KIAA1217: variants seen among roughly 807,000 people sequenced by gnomAD.
The protein encoded by KIAA1217 is sickle tail protein homolog.
KIAA1217 carries 88 observed loss-of-function variants against 163.9 expected under a neutral mutation model. The observed-to-expected ratio is 0.54, with a 90% CI of 0.45 to 0.64. The LOEUF is 0.64. Ranked by LOEUF, KIAA1217 falls within the 30% of genes least tolerant of loss-of-function variation. KIAA1217 has a pLI of 0.00. For missense variants in KIAA1217, 2,372 were observed against 2,475.0 expected (o/e 0.96, Z 0.88); for synonymous variants, 903 against 923.1 (o/e 0.98, Z 0.39).
intron 1 of KIAA1217, among the ~76,000 whole-genome samples, chr10:24,217,759 C>T (rs1344382998): frequency 1.3e-5 from 2 of 152,128 alleles, no homozygotes; most frequent in African/African-American, 2.4e-5. Context: ...GCAGAACTCC[C>T]AAATATTAAA....
chr10:23,967,667 T>A (rs183568392), intron 1 of KIAA1217, among the ~76,000 whole-genome samples: 2 of 152,296 alleles, frequency 1.3e-5, no homozygotes, highest in East Asian at 3.9e-4. Flanking sequence ...GGAGGACAAT[T>A]TGACACTATT....
intron 1 of KIAA1217, among the ~76,000 whole-genome samples, chr10:23,822,361 G>A (rs1314931712): frequency 1.3e-5 from 2 of 152,160 alleles, no homozygotes; most frequent in African/African-American, 4.8e-5. Context: ...GATTGCAGTA[G>A]CAGAAACAAG....
In KIAA1217 at chr10:24,493,136, G is replaced by A. The variant is rs542008079; in HGVS notation, c.1680-1364G>A. Reference sequence around the variant, plus strand: ...GCTGGAATTACAGGCAGGAGCCACCGTGCCCGGCCAGACCATCATTACTTT... The same window carrying A: ...GCTGGAATTACAGGCAGGAGCCACCATGCCCGGCCAGACCATCATTACTTT... On this transcript the variant is annotated intron_variant, in intron 6 of 20. Coordinates refer to ENST00000376454, the MANE Select transcript of KIAA1217 (RefSeq NM_019590.5). Among the ~76,000 whole-genome samples, 15 of 152,332 alleles carry A rather than the reference G, an allele frequency of 9.8e-5. No homozygotes were observed. The East Asian group carries it at 1.3e-3, about 14-fold the overall frequency.
At chr10:24,096,356 A>G (rs1376467234) in intron 2 of KIAA1217, among the ~76,000 whole-genome samples, 1 of 152,044 alleles carries the variant, frequency 6.6e-6, no homozygotes, top group Non-Finnish European at 1.5e-5. Context: ...CAGTGGCACT[A>G]CCCTGGTCCA....
intron 1 of KIAA1217, among the ~76,000 whole-genome samples, chr10:23,839,740 C>G (rs2131063462): frequency 6.6e-6 from 1 of 152,238 alleles, no homozygotes; most frequent in Non-Finnish European, 1.5e-5. Flanking sequence ...TCTCTGATGG[C>G]TCCCACAACT....
At chr10:23,713,426 A>T (rs1264376819) in intron 1 of KIAA1217, among the ~76,000 whole-genome samples, 3 of 152,146 alleles carry the variant, frequency 2.0e-5, no homozygotes, top group African/African-American at 4.8e-5. Flanking sequence ...ACCTAGGCAG[A>T]CTATCATGGA....
chr10:24,167,538 A>G (rs2065415670), intron 2 of KIAA1217, among the ~76,000 whole-genome samples: 1 of 152,064 alleles, frequency 6.6e-6, no homozygotes, highest in Non-Finnish European at 1.5e-5. Flanking sequence ...AGGGGTGATT[A>G]TCTTTTAGAG....
At chr10:24,519,359 C>T (rs1479833440) in intron 10 of KIAA1217, among the ~76,000 whole-genome samples, 1 of 152,218 alleles carries the variant, frequency 6.6e-6, no homozygotes. Flanking sequence ...GCATTCCCCT[C>T]TATCCACAGA....
chr10:23,741,786 A>G (rs1001597352), intron 1 of KIAA1217, among the ~76,000 whole-genome samples: 16 of 152,164 alleles, frequency 1.1e-4, no homozygotes, highest in Non-Finnish European at 1.9e-4. Context: ...GATAAAGCAG[A>G]ATAGGGGCTA....
chr10:24,375,659 A>C (rs2052380527), intron 2 of KIAA1217, among the ~76,000 whole-genome samples: 1 of 152,234 alleles, frequency 6.6e-6, no homozygotes, highest in Non-Finnish European at 1.5e-5. Flanking sequence ...TCCTTTAATG[A>C]GTGCTAGGAA....
intron 2 of KIAA1217, among the ~76,000 whole-genome samples, chr10:24,251,175 G>A (rs1369346009): frequency 2.6e-5 from 4 of 151,496 alleles, no homozygotes; most frequent in Non-Finnish European, 5.9e-5. Context: ...GCAGTGAGCC[G>A]AGATCACACC....
intron 2 of KIAA1217, among the ~76,000 whole-genome samples, chr10:24,147,832 CAAAAA>C (rs1176106711): frequency 0.035 from 729 of 20,666 alleles, no homozygotes; most frequent in South Asian, 0.11. Flanking sequence ...TACTCTGTCT[CAAAAA>C]AAAAAAAAAA....
intron 17 of KIAA1217, among the ~76,000 whole-genome samples, chr10:24,537,670 A>G (rs375918660): frequency 2.6e-5 from 4 of 152,232 alleles, no homozygotes; most frequent in African/African-American, 9.6e-5. Context: ...CCTCATGGAA[A>G]CATACAAATG....
rs961204781 is a variant in KIAA1217, at chr10:23,857,797, A to G, written c.-320-149428A>G. ...TATAATATATTAGAAGGAGATAGCT[A>G]TTTAGATTTATGGATGAATGTATGT... On this transcript the variant is annotated intron_variant, in intron 1 of 18. Coordinates refer to the KIAA1217 transcript ENST00000376462. Among the ~76,000 whole-genome samples the G allele has an allele frequency of 7.9e-5, 12 of 152,150 alleles. 1 individual carries two copies. Among genetic ancestry groups the G allele is most frequent in the Admixed American group, 6.5e-4 (10 of 15,276 alleles).
At chr10:24,334,680 T>G (rs1305971552) in intron 2 of KIAA1217, among the ~76,000 whole-genome samples, 1 of 152,188 alleles carries the variant, frequency 6.6e-6, no homozygotes, top group East Asian at 1.9e-4. Context: ...GAATGAACCA[T>G]GTCTACCCTG....
At chr10:24,207,619 C>T (rs986811382), upstream of KIAA1217, among the ~76,000 whole-genome samples, 2 of 152,232 alleles carry the variant, frequency 1.3e-5, no homozygotes, top group African/African-American at 2.4e-5. Context: ...ATCCCACTGC[C>T]TCTATTCAGG....
At chr10:24,146,055 C>T (rs1016303387) in intron 2 of KIAA1217, among the ~76,000 whole-genome samples, 2 of 152,218 alleles carry the variant, frequency 1.3e-5, no homozygotes, top group Admixed American at 6.5e-5. Flanking sequence ...AACCATCACG[C>T]TGAGTAACCA....
At chr10:24,125,616 T>G (rs2063446378) in intron 2 of KIAA1217, among the ~76,000 whole-genome samples, 1 of 152,084 alleles carries the variant, frequency 6.6e-6, no homozygotes, top group Non-Finnish European at 1.5e-5. Flanking sequence ...ATTTTCACAA[T>G]GCACTCCAGT....
chr10:23,990,147 A>G (rs1589195808), intron 1 of KIAA1217, among the ~76,000 whole-genome samples: 1 of 152,232 alleles, frequency 6.6e-6, no homozygotes, highest in Non-Finnish European at 1.5e-5. Context: ...TTGCAAAAGT[A>G]TCTTCATTGG....
Sources: gnomAD v4.1 joint callset for allele counts (sites outside exome capture counted in the v4.1 genomes callset) on GRCh38, gnomAD v4.1.1 for gene constraint, MANE v1.5 for transcripts, NCBI Gene and HGNC (gene_info 2026-07-23, HGNC 2026-07-21) for gene names.